Variants in GPHN observed in about 807,000 individuals in gnomAD.
GPHN encodes gephyrin.
GPHN carries 17 observed loss-of-function variants against 95.5 expected under a neutral mutation model. That is an observed-to-expected ratio of 0.18 (90% confidence interval 0.12 to 0.27). GPHN has a LOEUF of 0.27. Among genes scored for constraint, GPHN ranks in the 10% least tolerant of loss-of-function variants. GPHN has a pLI of 1.00. For synonymous variants in GPHN, 320 were observed against 322.5 expected, an observed-to-expected ratio of 0.99 and a Z score of 0.08; for missense variants, 660 against 978.1, an observed-to-expected ratio of 0.67 and a Z score of 4.34.
chr14:66,811,534 T>C (rs1360150806), intron 3 of GPHN, among the ~76,000 whole-genome samples: 1 of 144,588 alleles, frequency 6.9e-6, no homozygotes, highest in East Asian at 2.0e-4. Flanking sequence ...TTAAGACTAC[T>C]CTTACATTCA....
intron 3 of GPHN, among the ~76,000 whole-genome samples, chr14:66,811,965 G>A (rs1020884940): frequency 2.0e-5 from 3 of 152,318 alleles, no homozygotes; most frequent in African/African-American, 7.2e-5. Context: ...TTTGGAAGAA[G>A]GCACTGGTTG....
At position 66,698,274 on chromosome 14, in the gene GPHN, T is replaced by G. The variant is rs1406010177; in HGVS notation, c.143+17089T>G. Among the ~76,000 whole-genome samples, 8 of 152,270 alleles carry G rather than the reference T, an allele frequency of 5.3e-5. No homozygotes were observed. The East Asian group carries it at 1.5e-3, about 29-fold the overall frequency. ...AGCATTTCAAAATGGAGAAAAAGGT[T>G]AAATACTTGCTGAATAAGATTTGTC... On this transcript the variant is annotated intron_variant, in intron 2 of 22. Transcript: ENST00000478722.
At chr14:67,208,552 C>CT in the GPHN span, 1 of 1,214,998 alleles carries the variant, frequency 8.2e-7, no homozygotes, top group Non-Finnish European at 1.1e-6. Flanking sequence ...ACTGAAGATT[C>CT]TCAGAGACAG....
chr14:67,555,926 A>C, the GPHN span: 1 of 1,604,946 alleles, frequency 6.2e-7, no homozygotes, highest in Admixed American at 1.7e-5. Flanking sequence ...ATGCAGGGGA[A>C]TGACCGTCGG....
At chr14:66,605,687 G>A (rs2062493552) in intron 1 of GPHN, among the ~76,000 whole-genome samples, 1 of 151,750 alleles carries the variant, frequency 6.6e-6, no homozygotes, top group Admixed American at 6.6e-5. Context: ...CTGCCACCAA[G>A]CCCGGCTAAT....
chr14:66,618,180 G>T (rs2063130057), intron 1 of GPHN, among the ~76,000 whole-genome samples: 1 of 152,088 alleles, frequency 6.6e-6, no homozygotes, highest in Non-Finnish European at 1.5e-5. Context: ...TTGGTTAGTT[G>T]AGAATTATTA....
chr14:66,551,597 T>C (rs1396302179), intron 1 of GPHN, among the ~76,000 whole-genome samples: 3 of 152,204 alleles, frequency 2.0e-5, no homozygotes, highest in Non-Finnish European at 4.4e-5. Flanking sequence ...TATTAGTCCA[T>C]TCTTGCACGG....
rs574077482 is a variant in GPHN at position 66,673,343 on chromosome 14, C to T, written c.65-7764C>T. Among the ~76,000 whole-genome samples, 12 of 152,312 alleles carry T rather than the reference C, an allele frequency of 7.9e-5. No individual in the cohort carries two copies. In the East Asian group the frequency reaches 1.5e-3, roughly 20 times the overall value. On this transcript the variant is annotated intron_variant, in intron 1 of 22. Coordinates refer to ENST00000478722, the MANE Select transcript of GPHN (RefSeq NM_020806.5). ...TCCTGACCTCATGATCCGCCCACCT[C>T]GGCCTCCCAAAGTGCCGGAAATACA...
At chr14:66,835,123 G>C (rs963812816) in intron 4 of GPHN, among the ~76,000 whole-genome samples, 1 of 151,392 alleles carries the variant, frequency 6.6e-6, no homozygotes, top group Non-Finnish European at 1.5e-5. Context: ...ATTTTTTATT[G>C]TGTCTATTTG....
intron 1 of GPHN, among the ~76,000 whole-genome samples, chr14:66,513,545 A>G (rs984158198): frequency 1.3e-5 from 2 of 151,834 alleles, no homozygotes; most frequent in African/African-American, 4.8e-5. Context: ...ATAATGAAGC[A>G]TATTTGGAAT....
At chr14:67,490,460 G>A in the GPHN span, among the ~76,000 whole-genome samples, 3 of 152,198 alleles carry the variant, frequency 2.0e-5, no homozygotes, top group African/African-American at 4.8e-5. Flanking sequence ...GGGGCCAAGC[G>A]CAGGTTCAGG....
intron 9 of GPHN, among the ~76,000 whole-genome samples, chr14:66,999,651 A>G (rs1183584841): frequency 4.0e-5 from 6 of 151,888 alleles, no homozygotes; most frequent in Admixed American, 3.9e-4. Flanking sequence ...CCTTCAAGCA[A>G]AGTGAAAAAA....
At chr14:67,516,099 C>T in the GPHN span, among the ~76,000 whole-genome samples, 1 of 152,158 alleles carries the variant, frequency 6.6e-6, no homozygotes, top group South Asian at 2.1e-4. Context: ...CGTAGGAAAT[C>T]GGCAGCTGAG....
intron 2 of GPHN, among the ~76,000 whole-genome samples, chr14:66,729,392 AACG>A (rs1201115314): frequency 6.6e-6 from 1 of 152,218 alleles, no homozygotes; most frequent in African/African-American, 2.4e-5. Context: ...AAAAATCATG[AACG>A]AAGATCTAGT....
At chr14:67,025,755 G>A (rs2073891036) in intron 10 of GPHN, among the ~76,000 whole-genome samples, 2 of 152,074 alleles carry the variant, frequency 1.3e-5, no homozygotes, top group South Asian at 2.1e-4. Flanking sequence ...AGATACCTGG[G>A]TCTCACTGGC....
chr14:66,713,814 A>G (rs1595659336), intron 2 of GPHN, among the ~76,000 whole-genome samples: 1 of 151,630 alleles, frequency 6.6e-6, no homozygotes, highest in Non-Finnish European at 1.5e-5. Flanking sequence ...TGTTGCCCAG[A>G]CTGGAGTGCA....
intron 8 of GPHN, among the ~76,000 whole-genome samples, chr14:66,945,351 C>A (rs747212426): frequency 1.3e-5 from 2 of 152,220 alleles, no homozygotes; most frequent in African/African-American, 2.4e-5. Flanking sequence ...CCACCCCATC[C>A]TCCCAGTGTG....
the GPHN span, among the ~76,000 whole-genome samples, chr14:67,390,227 T>C: frequency 6.6e-6 from 1 of 152,144 alleles, no homozygotes; most frequent in Non-Finnish European, 1.5e-5. Flanking sequence ...GGCTTAAATA[T>C]TATATGGTGA....
At chr14:67,364,996 G>A in the GPHN span, 1 of 1,591,452 alleles carries the variant, frequency 6.3e-7, no homozygotes, top group Non-Finnish European at 8.6e-7. Context: ...CATTAGGGTG[G>A]ACAAAGAAAA....
Sources: allele counts gnomAD v4.1 joint callset (sites outside exome capture counted in the v4.1 genomes callset), GRCh38; gene constraint gnomAD v4.1.1; transcripts MANE v1.5; gene names NCBI Gene and HGNC (gene_info 2026-07-23, HGNC 2026-07-21).